GRIP1: variants seen among roughly 807,000 people sequenced by gnomAD.
The protein encoded by GRIP1 is glutamate receptor interacting protein 1.
Under a neutral mutation model 129.9 loss-of-function variants are expected in GRIP1, and 45 were observed. The ratio of observed to expected loss-of-function variants is 0.35; its 90% CI spans 0.27 to 0.44. The LOEUF (loss-of-function observed/expected upper bound fraction) is 0.44. Among genes scored for constraint, GRIP1 ranks in the 20% least tolerant of loss-of-function variants. The pLI, the probability that GRIP1 is intolerant of heterozygous loss-of-function variation, is 1.00. For missense variants in GRIP1, 1,196 were observed against 1,396.8 expected, an observed-to-expected ratio of 0.86 and a Z score of 2.29; for synonymous variants, 530 against 520.8, an observed-to-expected ratio of 1.02 and a Z score of -0.24.
intron 1 of GRIP1, among the ~76,000 whole-genome samples, chr12:66,794,489 G>T (rs1017866517): frequency 1.3e-5 from 2 of 152,162 alleles, no homozygotes; most frequent in Admixed American, 1.3e-4. Context: ...AGAGTGAGCA[G>T]GGTTGTGGGA....
At chr12:66,627,135 C>G (rs2030171075) in intron 1 of GRIP1, among the ~76,000 whole-genome samples, 1 of 152,168 alleles carries the variant, frequency 6.6e-6, no homozygotes, top group African/African-American at 2.4e-5. Flanking sequence ...CAAGGTAGCT[C>G]ACACTCACTT....
chr12:66,605,841 AT>A (rs2064499280), intron 1 of GRIP1, among the ~76,000 whole-genome samples: 1 of 152,232 alleles, frequency 6.6e-6, no homozygotes, highest in Non-Finnish European at 1.5e-5. Context: ...TAAAAGTATT[AT>A]CACCACTGTT....
chr12:66,916,125 T>C (rs2041117484), intron 1 of GRIP1, among the ~76,000 whole-genome samples: 1 of 152,222 alleles, frequency 6.6e-6, no homozygotes, highest in African/African-American at 2.4e-5. Context: ...TGCCCACCTC[T>C]ACCCTAAATA....
At chr12:66,649,662 A>C (rs2032644222) in intron 1 of GRIP1, among the ~76,000 whole-genome samples, 1 of 152,206 alleles carries the variant, frequency 6.6e-6, no homozygotes, top group African/African-American at 2.4e-5. Flanking sequence ...CACAGAGGAG[A>C]GGGAAATTAC....
At chr12:67,017,816 C>T (rs1303270726) in intron 1 of GRIP1, among the ~76,000 whole-genome samples, 1 of 152,202 alleles carries the variant, frequency 6.6e-6, no homozygotes, top group Non-Finnish European at 1.5e-5. Context: ...ACTGGGGTGC[C>T]CGTTATATGA....
At chr12:66,535,195 T>C (rs2061570980) in intron 4 of GRIP1, among the ~76,000 whole-genome samples, 4 of 152,202 alleles carry the variant, frequency 2.6e-5, no homozygotes, top group Admixed American at 1.3e-4. Context: ...CTAAAAGCTA[T>C]ACTTAGAGTT....
intron 1 of GRIP1, among the ~76,000 whole-genome samples, chr12:66,636,345 A>T (rs536615419): frequency 6.6e-6 from 1 of 152,338 alleles, no homozygotes; most frequent in Non-Finnish European, 1.5e-5. Context: ...TAACGGTTGT[A>T]CAACCATATG....
rs75738601 is a variant in GRIP1, at chr12:66,953,251, C to T, written c.58+115799G>A. On this transcript the variant is annotated intron_variant, in intron 1 of 1. Transcript: ENST00000643019. ...TACAACCCAGGTGAGACAAAAACTACGATTATGCAAAGGCTATGAAGGAAA... is the reference window on the plus strand; with the variant it reads ...TACAACCCAGGTGAGACAAAAACTATGATTATGCAAAGGCTATGAAGGAAA... Among the ~76,000 whole-genome samples the T allele has an allele frequency of 5.6e-3, 857 of 152,152 alleles. 9 individuals are homozygous for T. Among genetic ancestry groups the T allele is most frequent in the African/African-American group, 0.019 (809 of 41,494 alleles).
chr12:66,706,152 C>T (rs746935078), intron 1 of GRIP1, among the ~76,000 whole-genome samples: 10 of 152,076 alleles, frequency 6.6e-5, no homozygotes, highest in Non-Finnish European at 7.4e-5. Context: ...TTGCAATCTA[C>T]CCATCTGACA....
chr12:67,017,526 C>A (rs2135733510), intron 1 of GRIP1, among the ~76,000 whole-genome samples: 1 of 151,698 alleles, frequency 6.6e-6, no homozygotes, highest in Non-Finnish European at 1.5e-5. Flanking sequence ...AGATAATCTA[C>A]AAAGGTGGCT....
chr12:66,775,363 G>A (rs1297060297), intron 1 of GRIP1, among the ~76,000 whole-genome samples: 1 of 152,128 alleles, frequency 6.6e-6, no homozygotes, highest in African/African-American at 2.4e-5. Flanking sequence ...GTCATCAGTT[G>A]GCATCTTTGA....
intron 7 of GRIP1, among the ~76,000 whole-genome samples, chr12:66,484,916 T>C (rs1015131391): frequency 1.3e-5 from 2 of 152,202 alleles, no homozygotes; most frequent in Non-Finnish European, 2.9e-5. Context: ...ATACACTCTA[T>C]GTAGGTATCA....
In GRIP1 at chr12:66,372,227, G is replaced by A. The variant is rs188574367; in HGVS notation, c.2779-300C>T. On this transcript the variant is annotated intron_variant, in intron 22 of 24. Transcript: ENST00000359742. ...TGAAATGCTCTAACATTTGCTTACTGTAAACTACATTTTAAGCATTCACTT... is the reference window on the plus strand; with the variant it reads ...TGAAATGCTCTAACATTTGCTTACTATAAACTACATTTTAAGCATTCACTT... 6.0e-4 allele frequency: 289 copies of A among 478,292 alleles called. 1 individual carries two copies. The highest frequency in any genetic ancestry group is 5.1e-3 in the African/African-American group (263 of 51,348). The allele number at this position is 478,292 out of a possible 1,614,324, so 29.6% of individuals were successfully genotyped here. A position where few individuals can be genotyped will look rare whatever the true frequency, so the allele number is the denominator to read the frequency against.
intron 2 of GRIP1, among the ~76,000 whole-genome samples, chr12:66,588,745 T>C (rs996685559): frequency 1.3e-5 from 2 of 151,758 alleles, no homozygotes; most frequent in African/African-American, 2.4e-5. Context: ...CCGAGGCAGG[T>C]AGATCATGAG....
At chr12:66,904,087 T>A (rs989814629) in intron 1 of GRIP1, among the ~76,000 whole-genome samples, 1 of 152,212 alleles carries the variant, frequency 6.6e-6, no homozygotes, top group African/African-American at 2.4e-5. Context: ...GTCTGCCTTT[T>A]AGGAAGTATG....
intron 3 of GRIP1, among the ~76,000 whole-genome samples, chr12:66,540,565 C>T (rs1013737213): frequency 1.3e-5 from 2 of 152,254 alleles, no homozygotes; most frequent in East Asian, 1.9e-4. Flanking sequence ...TGTGTCCACA[C>T]CAGCCTCCCT....
At chr12:66,972,171 T>C (rs945782260) in intron 1 of GRIP1, among the ~76,000 whole-genome samples, 7 of 152,156 alleles carry the variant, frequency 4.6e-5, no homozygotes, top group Non-Finnish European at 4.4e-5. Flanking sequence ...AAAAGAAACA[T>C]TGAATTGCTG....
intron 1 of GRIP1, among the ~76,000 whole-genome samples, chr12:67,040,758 C>T (rs2043164835): frequency 6.6e-6 from 1 of 152,178 alleles, no homozygotes; most frequent in Non-Finnish European, 1.5e-5. Context: ...GCCTGGCAGT[C>T]AGAATGTGCT....
At chr12:66,716,321 C>A (rs2035885900) in intron 1 of GRIP1, among the ~76,000 whole-genome samples, 1 of 151,852 alleles carries the variant, frequency 6.6e-6, no homozygotes, top group Non-Finnish European at 1.5e-5. Context: ...TGATTGGTTT[C>A]CTCACCTGAC....
Sources: gnomAD v4.1 joint callset for allele counts (sites outside exome capture counted in the v4.1 genomes callset) on GRCh38, gnomAD v4.1.1 for gene constraint, MANE v1.5 for transcripts, NCBI Gene and HGNC (gene_info 2026-07-23, HGNC 2026-07-21) for gene names.